FAT3: variants seen among roughly 807,000 people sequenced by gnomAD.
The protein encoded by FAT3 is FAT atypical cadherin 3.
Under a neutral mutation model 310.2 loss-of-function variants are expected in FAT3, and 95 were observed. The observed-to-expected ratio is 0.31, with a 90% CI of 0.26 to 0.36. The LOEUF is 0.36. FAT3 is among the 10% of genes least tolerant of loss of function. FAT3 has a pLI of 1.00. For synonymous variants in FAT3, 2,314 were observed against 2,192.9 expected, an observed-to-expected ratio of 1.06 and a Z score of -1.54; for missense variants, 5,408 against 5,715.6, an observed-to-expected ratio of 0.95 and a Z score of 1.74.
intron 3 of FAT3, among the ~76,000 whole-genome samples, chr11:92,592,389 T>G (rs1939479081): frequency 6.9e-6 from 1 of 145,978 alleles, no homozygotes; most frequent in Admixed American, 7.1e-5. Flanking sequence ...TGGCACAATC[T>G]TGGCTTACTG....
chr11:92,649,571 G>C (rs1322816992), intron 3 of FAT3, among the ~76,000 whole-genome samples: 1 of 152,024 alleles, frequency 6.6e-6, no homozygotes, highest in Non-Finnish European at 1.5e-5. Context: ...CTCATGATTT[G>C]GAAAGATTCT....
At chr11:92,408,145 C>T (rs943894258) in intron 2 of FAT3, 2 of 152,272 alleles carry the variant, frequency 1.3e-5, no homozygotes, top group Non-Finnish European at 2.9e-5. Context: ...TGCTAGATGG[C>T]TGCTTTGTCC....
intron 2 of FAT3, among the ~76,000 whole-genome samples, chr11:92,456,599 C>G (rs1045945857): frequency 6.6e-6 from 1 of 152,130 alleles, no homozygotes; most frequent in African/African-American, 2.4e-5. Flanking sequence ...AATCACATTT[C>G]TCAGAGATAA....
chr11:92,843,272 T>A (rs1291598974), intron 18 of FAT3, among the ~76,000 whole-genome samples: 8 of 152,268 alleles, frequency 5.3e-5, no homozygotes, highest in African/African-American at 1.9e-4. Context: ...ACCCAGCCCA[T>A]GGGAATCTGC....
At chr11:92,837,293 T>A (rs1948431193) in intron 16 of FAT3, among the ~76,000 whole-genome samples, 1 of 152,174 alleles carries the variant, frequency 6.6e-6, no homozygotes, top group Non-Finnish European at 1.5e-5. Context: ...AGATCAGCAG[T>A]GACAACTATT....
At chr11:92,636,872 C>A (rs1440017888) in intron 3 of FAT3, among the ~76,000 whole-genome samples, 2 of 152,178 alleles carry the variant, frequency 1.3e-5, no homozygotes, top group Admixed American at 1.3e-4. Flanking sequence ...ACATCCAAAG[C>A]AAAATTAAGT....
intron 3 of FAT3, among the ~76,000 whole-genome samples, chr11:92,594,116 G>A (rs757146126): frequency 5.3e-5 from 8 of 152,130 alleles, no homozygotes; most frequent in Non-Finnish European, 1.0e-4. Context: ...AAGACCTTGT[G>A]ATATCCATCC....
intron 2 of FAT3, among the ~76,000 whole-genome samples, chr11:92,500,421 C>T (rs1266516719): frequency 1.3e-5 from 2 of 151,738 alleles, no homozygotes; most frequent in African/African-American, 4.8e-5. Context: ...AAGATTGATG[C>T]CCTAAAATGC....
chr11:92,461,906 T>C (rs2135112367), intron 2 of FAT3, among the ~76,000 whole-genome samples: 1 of 152,256 alleles, frequency 6.6e-6, no homozygotes. Flanking sequence ...GCAAATGCTT[T>C]GTTATATGTT....
intron 4 of FAT3, among the ~76,000 whole-genome samples, chr11:92,728,261 C>G (rs1945059773): frequency 6.6e-6 from 1 of 152,086 alleles, no homozygotes; most frequent in African/African-American, 2.4e-5. Context: ...GTTTGTTTAA[C>G]TAGTCCTTGT....
At position 92,280,193 on chromosome 11, in the gene FAT3, G is replaced by A. The variant is rs79319201; in HGVS notation, c.-18+55019G>A. Among the ~76,000 whole-genome samples, 568 of 152,252 alleles carry A rather than the reference G, an allele frequency of 3.7e-3. 8 individuals carry two copies. Among genetic ancestry groups the A allele is most frequent in the African/African-American group, 0.013 (553 of 41,546 alleles). On this transcript the variant is annotated intron_variant, in intron 1 of 27. Coordinates refer to ENST00000525166, the MANE Select transcript of FAT3 (RefSeq NM_001367949.2). ...TGCTCAAGAACGATCGAAGACATGA[G>A]CTGAGGTACTTTGACTCTCTGACTA...
At chr11:92,843,815 C>A in intron 18 of FAT3, 119 bp from the exon 19 acceptor site, 1 of 960,092 alleles carries the variant, frequency 1.0e-6, no homozygotes. Flanking sequence ...AGAATAGTGG[C>A]AAGGAATGAA....
At chr11:92,695,168 C>G (rs1371052119) in intron 3 of FAT3, among the ~76,000 whole-genome samples, 1 of 152,148 alleles carries the variant, frequency 6.6e-6, no homozygotes, top group Non-Finnish European at 1.5e-5. Flanking sequence ...TTGGGCCTGT[C>G]TGGTCAGAAG....
At chr11:92,231,014 G>A (rs1327640562) in intron 1 of FAT3, among the ~76,000 whole-genome samples, 2 of 152,148 alleles carry the variant, frequency 1.3e-5, no homozygotes, top group Non-Finnish European at 2.9e-5. Flanking sequence ...GTATTCATGG[G>A]GCAGCCCAAA....
At chr11:92,281,458 C>T (rs755819610) in intron 1 of FAT3, among the ~76,000 whole-genome samples, 1 of 152,136 alleles carries the variant, frequency 6.6e-6, no homozygotes, top group African/African-American at 2.4e-5. Context: ...GAAAGCCTTC[C>T]GCACACTCCC....
intron 24 of FAT3, among the ~76,000 whole-genome samples, chr11:92,884,391 C>G (rs759341215): frequency 1.7e-4 from 26 of 152,196 alleles, no homozygotes; most frequent in Non-Finnish European, 3.7e-4. Flanking sequence ...GTGAACATCT[C>G]TGTGAGAGAT....
intron 2 of FAT3, among the ~76,000 whole-genome samples, chr11:92,504,061 C>T (rs1424164007): frequency 6.6e-6 from 1 of 152,116 alleles, no homozygotes; most frequent in African/African-American, 2.4e-5. Context: ...TGAACATTTC[C>T]ATCACAGATT....
chr11:92,876,801 G>C (rs947796539), intron 22 of FAT3, among the ~76,000 whole-genome samples: 1 of 152,188 alleles, frequency 6.6e-6, no homozygotes, highest in Non-Finnish European at 1.5e-5. Context: ...ACATCCATAA[G>C]AGCATATGTT....
chr11:92,601,133 G>A (rs571058996), intron 3 of FAT3, among the ~76,000 whole-genome samples: 1 of 151,804 alleles, frequency 6.6e-6, no homozygotes, highest in South Asian at 2.1e-4. Flanking sequence ...TTTTTAAGTG[G>A]GGAGTGATAT....
Sources: allele counts gnomAD v4.1 joint callset (sites outside exome capture counted in the v4.1 genomes callset), GRCh38; gene constraint gnomAD v4.1.1; transcripts MANE v1.5; gene names NCBI Gene and HGNC (gene_info 2026-07-23, HGNC 2026-07-21).